Variants in RBFOX1 observed in about 807,000 individuals in gnomAD.
The protein encoded by RBFOX1 is RNA binding protein fox-1 homolog 1.
RBFOX1 carries 8 observed loss-of-function variants against 57.7 expected under a neutral mutation model. The observed-to-expected ratio is 0.14, with a 90% CI of 0.08 to 0.25. RBFOX1 has a LOEUF of 0.25. Among genes scored for constraint, RBFOX1 ranks in the 10% least tolerant of loss-of-function variants. RBFOX1 has a pLI of 1.00. For synonymous variants in RBFOX1, 326 were observed against 222.4 expected (o/e 1.47, Z -4.15); for missense variants, 611 against 548.5 (o/e 1.11, Z -1.14).
intron 1 of RBFOX1, among the ~76,000 whole-genome samples, chr16:5,269,207 G>A (rs1349892690): frequency 6.6e-6 from 1 of 152,182 alleles, no homozygotes; most frequent in Non-Finnish European, 1.5e-5. Flanking sequence ...ATGAGCCACC[G>A]CACCAGGCCA....
intron 12 of RBFOX1, among the ~76,000 whole-genome samples, chr16:7,656,732 G>C (rs538281335): frequency 2.0e-5 from 3 of 152,232 alleles, no homozygotes; most frequent in Admixed American, 6.5e-5. Context: ...ATGGCACCTT[G>C]AGAGGTATTT....
chr16:6,673,475 C>T (rs368959625), intron 3 of RBFOX1, among the ~76,000 whole-genome samples: 1 of 152,082 alleles, frequency 6.6e-6, no homozygotes. Flanking sequence ...GTAATCCCAG[C>T]TACTGGGGAA....
Position 6,825,450 on chromosome 16 carries a change from A to C in RBFOX1, c.-16+170800A>C, listed in dbSNP as rs145697261. 2.6e-3 allele frequency among the ~76,000 whole-genome samples: 399 copies of C among 152,276 alleles called. 2 individuals carry two copies. The highest frequency in any genetic ancestry group is 8.9e-3 in the African/African-American group (368 of 41,562). On this transcript the variant is annotated intron_variant, in intron 3 of 15. Coordinates refer to ENST00000550418, the MANE Select transcript of RBFOX1 (RefSeq NM_018723.4). The stretch of plus-strand genomic sequence containing the variant: ...GGGATGATTTGAAAAGGGAAAGGAA[A>C]AATAACGACAGGAAAAGGGAGTTGT...
intron 1 of RBFOX1, among the ~76,000 whole-genome samples, chr16:5,454,789 C>CTTTG (rs1567534400): frequency 7.8e-6 from 1 of 127,946 alleles, no homozygotes; most frequent in African/African-American, 3.0e-5. Flanking sequence ...TTCTTTCTTT[C>CTTTG]TCTTTCTTTC....
chr16:5,332,114 T>C (rs938641199), intron 1 of RBFOX1, among the ~76,000 whole-genome samples: 4 of 152,224 alleles, frequency 2.6e-5, no homozygotes, highest in African/African-American at 4.8e-5. Flanking sequence ...TGTCTTAGAC[T>C]CTGGCAAATC....
At chr16:5,311,361 C>T (rs758587475) in intron 1 of RBFOX1, among the ~76,000 whole-genome samples, 1 of 152,176 alleles carries the variant, frequency 6.6e-6, no homozygotes, top group Non-Finnish European at 1.5e-5. Flanking sequence ...CTGCAATAAA[C>T]ATATGTATGC....
intron 4 of RBFOX1, among the ~76,000 whole-genome samples, chr16:7,130,283 C>T (rs28591493): frequency 0.11 from 16,895 of 152,158 alleles, 1,109 homozygotes; most frequent in East Asian, 0.22. Flanking sequence ...GATCTACCCA[C>T]ATCAGCTTCC....
intron 3 of RBFOX1, among the ~76,000 whole-genome samples, chr16:6,734,546 A>G (rs2069573587): frequency 6.7e-6 from 1 of 150,092 alleles, no homozygotes; most frequent in Non-Finnish European, 1.5e-5. Flanking sequence ...AAATGGCCCA[A>G]CTAGGAGTTC....
chr16:7,089,139 GT>G (rs1260297692), intron 4 of RBFOX1, among the ~76,000 whole-genome samples: 1 of 152,064 alleles, frequency 6.6e-6, no homozygotes, highest in Admixed American at 6.5e-5. Context: ...TTTCCACCCG[GT>G]TTAGTTTTGC....
chr16:6,934,183 C>T (rs535414697), intron 3 of RBFOX1, among the ~76,000 whole-genome samples: 5 of 152,264 alleles, frequency 3.3e-5, no homozygotes, highest in African/African-American at 1.2e-4. Context: ...ATGTGCATAC[C>T]TAGCTGCAGT....
chr16:5,645,850 C>T (rs1047214626), intron 3 of RBFOX1, among the ~76,000 whole-genome samples: 2 of 152,056 alleles, frequency 1.3e-5, no homozygotes, highest in African/African-American at 4.8e-5. Flanking sequence ...AAAAAAATTT[C>T]ATAGACAAAG....
intron 2 of RBFOX1, among the ~76,000 whole-genome samples, chr16:6,474,757 T>C (rs1393065576): frequency 6.6e-6 from 1 of 152,206 alleles, no homozygotes; most frequent in Non-Finnish European, 1.5e-5. Context: ...TATGGATTCA[T>C]GTAAGCTTCT....
At chr16:6,147,944 C>T (rs1227043729) in intron 1 of RBFOX1, among the ~76,000 whole-genome samples, 1 of 152,212 alleles carries the variant, frequency 6.6e-6, no homozygotes, top group African/African-American at 2.4e-5. Context: ...TCTCAAGGGT[C>T]TCCTACAGCC....
chr16:6,944,786 T>A (rs756548789), intron 3 of RBFOX1, among the ~76,000 whole-genome samples: 1 of 152,198 alleles, frequency 6.6e-6, no homozygotes, highest in African/African-American at 2.4e-5. Flanking sequence ...GTATCTCATC[T>A]ATGCCAACTA....
At position 6,772,936 on chromosome 16, in the gene RBFOX1, G is replaced by T. The variant is rs556975721; in HGVS notation, c.-16+118286G>T. Among the ~76,000 whole-genome samples, 5 of 148,306 alleles carry T rather than the reference G, an allele frequency of 3.4e-5. No homozygotes were observed. The South Asian group carries it at 1.1e-3, about 32-fold the overall frequency. On this transcript the variant is annotated intron_variant, in intron 3 of 15. Transcript: ENST00000550418. ...GTGGGCTTGGAGTACATTTGTGTGT[G>T]TGTGTGTATCTATATATTTGGGTGT...
intron 3 of RBFOX1, among the ~76,000 whole-genome samples, chr16:6,796,428 G>A (rs2084062135): frequency 1.3e-5 from 2 of 152,022 alleles, no homozygotes; most frequent in African/African-American, 4.8e-5. Context: ...CCTTAAAACA[G>A]ATAAAGCACC....
chr16:7,188,622 A>G (rs9929725), intron 4 of RBFOX1, among the ~76,000 whole-genome samples: 94,485 of 151,986 alleles, frequency 0.62, 29,778 homozygotes, highest in African/African-American at 0.7. Context: ...CTTTTCCAAT[A>G]AGCATTGACT....
At chr16:6,022,489 T>C (rs1291314008) in intron 1 of RBFOX1, among the ~76,000 whole-genome samples, 1 of 152,082 alleles carries the variant, frequency 6.6e-6, no homozygotes, top group Non-Finnish European at 1.5e-5. Context: ...AAGACCAGCC[T>C]GGACAACTTA....
intron 3 of RBFOX1, among the ~76,000 whole-genome samples, chr16:6,828,482 C>G (rs999845781): frequency 6.6e-6 from 1 of 151,804 alleles, no homozygotes; most frequent in African/African-American, 2.4e-5. Context: ...CGACATCACG[C>G]CATTGCACTC....
Sources: gnomAD v4.1 joint callset for allele counts (sites outside exome capture counted in the v4.1 genomes callset) on GRCh38, gnomAD v4.1.1 for gene constraint, MANE v1.5 for transcripts, NCBI Gene and HGNC (gene_info 2026-07-23, HGNC 2026-07-21) for gene names.